Variants in H2BC4 observed in about 807,000 individuals in gnomAD.
The protein encoded by H2BC4 is H2B clustered histone 4.
A neutral mutation model predicts 6.2 loss-of-function variants in H2BC4; 10 were observed. The ratio of observed to expected loss-of-function variants is 1.61; its 90% confidence interval spans 0.99 to 2.73. The LOEUF (loss-of-function observed/expected upper bound fraction) is 2.73. H2BC4 is among the 30% of genes most tolerant of loss of function. The pLI is 0.00. For synonymous variants in H2BC4, 146 were observed against 70.7 expected (o/e 2.07, Z -5.35); for missense variants, 176 against 168.7 (o/e 1.04, Z -0.24).
chr6:26,123,349 C>G (rs1763536128), downstream of H2BC4: 1 of 1,162,324 alleles, frequency 8.6e-7, no homozygotes, highest in Non-Finnish European at 1.2e-6. Flanking sequence ...GTTCAGGACC[C>G]TTTGTCCCTC....
chr6:26,123,675 T>G lies in H2BC4; in HGVS notation c.230A>C (p.Glu77Ala), dbSNP rs1355388019. ...GTTGTAATGCGCCAGGCGGGAAGCC[T>G]CGCCCGCGATGCGCTCAAATATGTC... ...VNDIFERIAG[E>A]ASRLAHYNKR... The change falls in exon 1 of 1, where the codon GAG (glutamate) becomes GCG (alanine). Residue 77 changes from glutamate (E) to alanine (A), a missense_variant. Transcript: ENST00000396984. The G allele has an allele frequency of 2.5e-6, 4 of 1,614,252 alleles. No individual in the cohort carries two copies. The highest frequency in any genetic ancestry group is 3.4e-6 in the Non-Finnish European group (4 of 1,180,046).
chr6:26,123,478 TAA>T lies in H2BC4; in HGVS notation c.*44_*45del. On this transcript the variant is annotated 3_prime_UTR_variant, in exon 1 of 1. Transcript: ENST00000396984. The stretch of plus-strand genomic sequence containing the variant: ...TTTTAGTGGGTATCTGGGTGGCTCT[TAA>T]AAGAGCCTTTGGGGTTAGGTGTTAA... 2 of 1,611,362 alleles carry T rather than the reference TAA, an allele frequency of 1.2e-6. No individual in the cohort carries two copies. Among genetic ancestry groups the T allele is most frequent in the South Asian group, 2.2e-5 (2 of 90,880 alleles).
In H2BC4 at chr6:26,123,776, G is replaced by A; in HGVS notation, c.129C>T (p.Tyr43=). 1 of 1,614,264 alleles carries A rather than the reference G, an allele frequency of 6.2e-7. No homozygotes were observed. Among genetic ancestry groups the A allele is most frequent in the Non-Finnish European group, 8.5e-7 (1 of 1,180,052 alleles). Residue 43 remains tyrosine, a synonymous_variant, in exon 1 of 1, where the codon TAC becomes TAT. Coordinates refer to ENST00000396984, the MANE Select transcript of H2BC4 (RefSeq NM_003526.3). ...CGGGATGGACCTGTTTCAGCACCTT[G>A]TACACGTACACAGAGTAACTCTCCT... ...SRKESYSVYV[Y]KVLKQVHPDT...
In H2BC4 at chr6:26,123,900, G is replaced by A. The variant is rs1472593637; in HGVS notation, c.5C>T (p.Pro2Leu). 3.7e-6 allele frequency: 6 copies of A among 1,613,548 alleles called. No homozygotes were observed. Among genetic ancestry groups the A allele is most frequent in the Non-Finnish European group, 4.2e-6 (5 of 1,179,894 alleles). Reference sequence around the variant, plus strand: ...GGCGGGAGCAGACTTGGCTGGCTCAGGCATCTTAAAACACCAGAAATGTGT... The same window carrying A: ...GGCGGGAGCAGACTTGGCTGGCTCAAGCATCTTAAAACACCAGAAATGTGT... M[P>L]EPAKSAPAPK... The change falls in exon 1 of 1, where the codon CCT (proline) becomes CTT (leucine). Residue 2 changes from proline to leucine, a missense_variant. Physicochemically the swap from Pro to Leu is moderately conservative, Grantham distance 98 (BLOSUM62 -3). Transcript: ENST00000396984.
downstream of H2BC4, among the ~76,000 whole-genome samples, chr6:26,119,869 G>T (rs1763476297): frequency 6.6e-6 from 1 of 151,534 alleles, no homozygotes; most frequent in South Asian, 2.1e-4. Context: ...TAATAAAAGA[G>T]GTATTAATAT....
chr6:26,120,827 C>G (rs1763488284), downstream of H2BC4, among the ~76,000 whole-genome samples: 1 of 152,132 alleles, frequency 6.6e-6, no homozygotes, highest in Non-Finnish European at 1.5e-5. Flanking sequence ...TGTCCTCTAA[C>G]CTTACTTAAA....
chr6:26,122,864 C>G (rs541210402), downstream of H2BC4, among the ~76,000 whole-genome samples: 1 of 152,306 alleles, frequency 6.6e-6, no homozygotes, highest in Non-Finnish European at 1.5e-5. Flanking sequence ...ACATCTGGCG[C>G]AGTGCTTACA....
downstream of H2BC4, chr6:26,123,269 T>C (rs1236051975): frequency 3.3e-6 from 2 of 607,392 alleles, no homozygotes; most frequent in Non-Finnish European, 5.2e-6. Context: ...AAATGGCCGC[T>C]TGTCTCCATT....
chr6:26,122,517 G>A (rs1484373116), downstream of H2BC4, among the ~76,000 whole-genome samples: 1 of 152,150 alleles, frequency 6.6e-6, no homozygotes, highest in Non-Finnish European at 1.5e-5. Context: ...CCACAAAGCG[G>A]CCTGCAGTTG....
downstream of H2BC4, among the ~76,000 whole-genome samples, chr6:26,123,155 T>C (rs556762893): frequency 6.6e-6 from 1 of 152,314 alleles, no homozygotes; most frequent in African/African-American, 2.4e-5. Context: ...GGCGAAATTA[T>C]GACATTACGG....
At chr6:26,121,824 G>A (rs984717445), downstream of H2BC4, among the ~76,000 whole-genome samples, 4 of 151,576 alleles carry the variant, frequency 2.6e-5, no homozygotes, top group Non-Finnish European at 5.9e-5. Context: ...AGGCCAAGGC[G>A]GGCAGATCAC....
At chr6:26,122,288 A>C (rs895806543), downstream of H2BC4, among the ~76,000 whole-genome samples, 6 of 152,170 alleles carry the variant, frequency 3.9e-5, no homozygotes, top group Non-Finnish European at 8.8e-5. Context: ...CTGTAACCTA[A>C]ATTACATGGT....
At chr6:26,113,875 T>C (rs901848656), downstream of H2BC4, among the ~76,000 whole-genome samples, 1 of 151,376 alleles carries the variant, frequency 6.6e-6, no homozygotes, top group African/African-American at 2.4e-5. Flanking sequence ...TTTTTTTTTT[T>C]CTTTTAAATA....
At chr6:26,118,953 T>C (rs1320507290), downstream of H2BC4, among the ~76,000 whole-genome samples, 1 of 152,110 alleles carries the variant, frequency 6.6e-6, no homozygotes, top group Non-Finnish European at 1.5e-5. Flanking sequence ...AAGAAAAAGA[T>C]TGAAGTCTTA....
At chr6:26,122,686 T>G (rs1273301278), downstream of H2BC4, among the ~76,000 whole-genome samples, 1 of 152,216 alleles carries the variant, frequency 6.6e-6, no homozygotes, top group African/African-American at 2.4e-5. Flanking sequence ...TGGCTTCTCC[T>G]AAAGCAACTT....
At chr6:26,115,256 T>TGC (rs1763404400) in intron 1 of H2BC4, 1 of 152,238 alleles carries the variant, frequency 6.6e-6, no homozygotes, top group African/African-American at 2.4e-5. Flanking sequence ...GTTTGCTCTG[T>TGC]GCCAGGCAGT....
chr6:26,115,038 C>A (rs776594366), exon 2 of H2BC4: 5 of 152,208 alleles, frequency 3.3e-5, no homozygotes, highest in Non-Finnish European at 7.4e-5. Context: ...TTATCTTCTT[C>A]TAGGATCACT....
At chr6:26,114,279 T>G (rs761152567), downstream of H2BC4, among the ~76,000 whole-genome samples, 3 of 152,204 alleles carry the variant, frequency 2.0e-5, no homozygotes, top group African/African-American at 7.2e-5. Context: ...TAATGATTGA[T>G]GTCATGTTTA....
chr6:26,116,733 G>A (rs897354306), intron 1 of H2BC4, among the ~76,000 whole-genome samples: 6 of 152,132 alleles, frequency 3.9e-5, no homozygotes, highest in African/African-American at 4.8e-5. Context: ...AGGTCAAGGA[G>A]TAGTAAGAAA....
Sources: allele counts gnomAD v4.1 joint callset (sites outside exome capture counted in the v4.1 genomes callset), GRCh38; gene constraint gnomAD v4.1.1; transcripts MANE v1.5; gene names NCBI Gene and HGNC (gene_info 2026-07-23, HGNC 2026-07-21).